The following GANC variants were observed in gnomAD, a reference collection of about 807,000 sequenced individuals.
The protein encoded by GANC is glucosidase alpha, neutral C.
A neutral mutation model predicts 124.2 loss-of-function variants in GANC; 117 were observed. The observed-to-expected ratio is 0.94, with a 90% confidence interval of 0.81 to 1.10. The LOEUF is 1.10. Among genes scored for constraint, GANC ranks in the 50% least tolerant of loss-of-function variants. The pLI is 0.00. For synonymous variants in GANC, 377 were observed against 376.8 expected (o/e 1.00, Z -0.01); for missense variants, 1,140 against 1,095.0 (o/e 1.04, Z -0.58).
rs555138540 is a variant in GANC at position 42,331,776 on chromosome 15, C to T, written c.1741+1104C>T. Among the ~76,000 whole-genome samples, 18 of 151,908 alleles carry T rather than the reference C, an allele frequency of 1.2e-4. 1 individual carries two copies. The highest frequency in any genetic ancestry group is 5.2e-4 in the Admixed American group (8 of 15,276). The stretch of plus-strand genomic sequence containing the variant: ...ATGGTATAGCAACATGATAGATTAT[C>T]GTGAGGCTATTTATGTTTAAAAAAT... On this transcript the variant is annotated intron_variant, in intron 15 of 23. Transcript: ENST00000318010.
Position 42,338,461 on chromosome 15 carries a change from T to G in GANC, c.1814T>G (p.Leu605Arg). ...ATTTCTATCCCAATGTTACTCACTC[T>G]CAGCATTACTGGGATCTCTTTTTGC... ...LKISIPMLLT[L>R]SITGISFCGA... Residue 605 changes from leucine (L) to arginine (R), a missense_variant, in exon 16 of 24, where the codon CTC becomes CGC. Transcript: ENST00000318010. 6.2e-7 allele frequency: 1 copy of G among 1,613,890 alleles called. No homozygotes were observed. The highest frequency in any genetic ancestry group is 8.5e-7 in the Non-Finnish European group (1 of 1,179,784).
intron 4 of GANC, among the ~76,000 whole-genome samples, chr15:42,289,585 A>G (rs1473671912): frequency 6.6e-6 from 1 of 151,906 alleles, no homozygotes; most frequent in Non-Finnish European, 1.5e-5. Context: ...TCTACAATTG[A>G]GCCTTGGTTG....
At chr15:42,286,011 T>G (rs548048036) in intron 3 of GANC, among the ~76,000 whole-genome samples, 4 of 138,894 alleles carry the variant, frequency 2.9e-5, no homozygotes, top group South Asian at 4.4e-4. Flanking sequence ...CAAAAATTAG[T>G]TTTTTTTTTT....
chr15:42,306,057 C>T (rs866308708), intron 6 of GANC, among the ~76,000 whole-genome samples: 11 of 148,180 alleles, frequency 7.4e-5, no homozygotes, highest in South Asian at 2.1e-4. Context: ...GACAGAGTCT[C>T]GCTGTGTCGC....
Position 42,348,165 on chromosome 15 carries a change from A to G in GANC, c.2367A>G (p.Thr789=). The change falls in exon 21 of 24, where the codon ACA becomes ACG. Residue 789 remains threonine, a synonymous_variant. Coordinates refer to ENST00000318010, the MANE Select transcript of GANC (RefSeq NM_198141.3). ...IPIKTTVGKS[T]GWMTESSYGL... Reference sequence around the variant, plus strand: ...TAAAGACAACTGTAGGAAAATCCACAGGCTGGATGACTGAATCCTCCTATG... The same window carrying G: ...TAAAGACAACTGTAGGAAAATCCACGGGCTGGATGACTGAATCCTCCTATG... 6.2e-7 allele frequency: 1 copy of G among 1,612,730 alleles called. No individual in the cohort carries two copies. Among genetic ancestry groups the G allele is most frequent in the South Asian group, 1.1e-5 (1 of 90,686 alleles).
At chr15:42,308,433 T>C in intron 8 of GANC, 115 bp downstream of exon 8, 1 of 626,774 alleles carries the variant, frequency 1.6e-6, no homozygotes, top group Non-Finnish European at 2.9e-6. Context: ...TTTCCTCCTT[T>C]ATATTGCTTG....
chr15:42,312,939 C>CAA (rs55722371), intron 10 of GANC, among the ~76,000 whole-genome samples: 7 of 126,580 alleles, frequency 5.5e-5, no homozygotes, highest in African/African-American at 2.1e-4. Flanking sequence ...GACTCCGTCT[C>CAA]AAAAAAAAAA....
chr15:42,291,575 A>G (rs2051842531), intron 4 of GANC, among the ~76,000 whole-genome samples: 1 of 152,184 alleles, frequency 6.6e-6, no homozygotes, highest in African/African-American at 2.4e-5. Flanking sequence ...TGTAGTGAAC[A>G]TCTTCCTTTT....
intron 14 of GANC, 90 bp from the exon 15 acceptor site, chr15:42,330,486 C>T (rs2052233478): frequency 3.7e-6 from 3 of 806,620 alleles, no homozygotes; most frequent in African/African-American, 3.5e-5. Context: ...CTCCTGCCTA[C>T]TGTTTGCTTT....
rs1252629628 is a variant in GANC at position 42,321,910 on chromosome 15, A to G, written c.1183A>G (p.Met395Val). The G allele has an allele frequency of 3.1e-6, 5 of 1,614,254 alleles. No individual in the cohort carries two copies. The highest frequency in any genetic ancestry group is 4.2e-6 in the Non-Finnish European group (5 of 1,180,044). The change falls in exon 11 of 24, where the codon ATG becomes GTG. Residue 395 changes from methionine to valine, a missense_variant. Transcript: ENST00000318010. Reference protein sequence around the residue: ...FDEHDIPYDAMWLDIEHTEGK... With the variant: ...FDEHDIPYDAVWLDIEHTEGK... ...TGAGCATGACATTCCTTATGATGCC[A>G]TGTGGCTGGACATAGAGCACACTGA...
At chr15:42,317,243 A>G (rs1376738578) in intron 10 of GANC, among the ~76,000 whole-genome samples, 3 of 152,352 alleles carry the variant, frequency 2.0e-5, no homozygotes, top group Non-Finnish European at 4.4e-5. Context: ...CTATAAAAAG[A>G]AATGAAGTTC....
intron 4 of GANC, among the ~76,000 whole-genome samples, chr15:42,289,389 TC>T (rs1438203204): frequency 6.6e-6 from 1 of 152,196 alleles, no homozygotes; most frequent in Non-Finnish European, 1.5e-5. Context: ...TAACTCAACT[TC>T]CTGATTCTAG....
chr15:42,313,841 T>C (rs1403140422), intron 10 of GANC: 2 of 549,710 alleles, frequency 3.6e-6, no homozygotes, highest in Non-Finnish European at 6.4e-6. Flanking sequence ...GCCTCCAAAG[T>C]GCTTCCTTGA....
chr15:42,344,470 A>C (rs1004412393), intron 19 of GANC, among the ~76,000 whole-genome samples: 1 of 152,210 alleles, frequency 6.6e-6, no homozygotes, highest in Non-Finnish European at 1.5e-5. Flanking sequence ...ATAATCTGGG[A>C]TAACCTCCTT....
intron 10 of GANC, among the ~76,000 whole-genome samples, chr15:42,317,780 G>C (rs1595776574): frequency 6.6e-6 from 1 of 152,132 alleles, no homozygotes; most frequent in African/African-American, 2.4e-5. Context: ...ATGGATATGG[G>C]CACCCATGCA....
At chr15:42,296,305 G>A (rs1247249997) in intron 5 of GANC, among the ~76,000 whole-genome samples, 1 of 152,082 alleles carries the variant, frequency 6.6e-6, no homozygotes, top group East Asian at 1.9e-4. Flanking sequence ...TGTTAGCATA[G>A]TATATCTTAC....
chr15:42,335,304 G>A (rs1363417282), intron 15 of GANC, among the ~76,000 whole-genome samples: 1 of 152,060 alleles, frequency 6.6e-6, no homozygotes, highest in Non-Finnish European at 1.5e-5. Context: ...TGCAAGGTTG[G>A]TTTAACATAC....
Position 42,353,227 on chromosome 15 carries a change from T to C in GANC, c.*1088T>C, listed in dbSNP as rs2052473679. On this transcript the variant is annotated 3_prime_UTR_variant, in exon 24 of 24. Transcript: ENST00000318010. ...CAGCATCTGTTTTAGCAGCCTCGACTCCTCAGCACTCCTCAGCACACACCT... is the reference window on the plus strand; with the variant it reads ...CAGCATCTGTTTTAGCAGCCTCGACCCCTCAGCACTCCTCAGCACACACCT... 1 of 985,678 alleles carries C rather than the reference T, an allele frequency of 1.0e-6. No individual in the cohort carries two copies. 61.1% of individuals were successfully genotyped at this position (985,678 alleles called of 1,614,324 possible).
At chr15:42,302,453 C>T (rs1179668723) in intron 6 of GANC, among the ~76,000 whole-genome samples, 3 of 152,130 alleles carry the variant, frequency 2.0e-5, no homozygotes, top group African/African-American at 4.8e-5. Context: ...CTCCTCCAAA[C>T]GATCACAGCT....
Sources: gnomAD v4.1 joint callset for allele counts (sites outside exome capture counted in the v4.1 genomes callset) on GRCh38, gnomAD v4.1.1 for gene constraint, MANE v1.5 for transcripts, NCBI Gene and HGNC (gene_info 2026-07-23, HGNC 2026-07-21) for gene names.